The following KHDRBS2 variants were observed in gnomAD, a reference collection of about 807,000 sequenced individuals.
KHDRBS2 encodes KH RNA binding domain containing, signal transduction associated 2, also known as KH domain-containing, RNA-binding, signal transduction-associated protein 2.
In KHDRBS2, 26 loss-of-function variants were observed where a neutral mutation model predicts 44.3. That is an observed-to-expected ratio of 0.59 (90% CI 0.43 to 0.81). The LOEUF (loss-of-function observed/expected upper bound fraction) is 0.81, where lower values mean the gene tolerates loss of function less well. KHDRBS2 is among the 40% of genes least tolerant of loss of function. The pLI is 0.00. For missense variants in KHDRBS2, 476 were observed against 433.1 expected (o/e 1.10, Z -0.88); for synonymous variants, 194 against 151.1 (o/e 1.28, Z -2.08).
chr6:61,569,921 A>G, the KHDRBS2 span, among the ~76,000 whole-genome samples: 2 of 152,178 alleles, frequency 1.3e-5, no homozygotes, highest in Non-Finnish European at 2.9e-5. Flanking sequence ...AAAGAATATG[A>G]ACAGCAGGCC....
intron 1 of KHDRBS2, among the ~76,000 whole-genome samples, chr6:62,233,031 C>T (rs1833133001): frequency 6.6e-6 from 1 of 152,082 alleles, no homozygotes; most frequent in Non-Finnish European, 1.5e-5. Flanking sequence ...TTCATTTAGC[C>T]TCACTGGACG....
chr6:61,593,061 T>C, the KHDRBS2 span, among the ~76,000 whole-genome samples: 1 of 152,118 alleles, frequency 6.6e-6, no homozygotes, highest in Non-Finnish European at 1.5e-5. Flanking sequence ...GAGTAGTCTA[T>C]AAAGTAGTTT....
intron 1 of KHDRBS2, among the ~76,000 whole-genome samples, chr6:62,225,451 T>G (rs1207029953): frequency 1.3e-5 from 2 of 152,184 alleles, no homozygotes; most frequent in East Asian, 1.9e-4. Context: ...ATCTGACAAA[T>G]GGAAGAAACA....
chr6:61,922,012 C>A (rs745980690), intron 4 of KHDRBS2, among the ~76,000 whole-genome samples: 2 of 151,740 alleles, frequency 1.3e-5, no homozygotes, highest in African/African-American at 4.8e-5. Flanking sequence ...ACATCCATAT[C>A]GTTAAAAAAT....
chr6:62,224,791 G>A (rs573705744), intron 1 of KHDRBS2, among the ~76,000 whole-genome samples: 19 of 152,300 alleles, frequency 1.2e-4, no homozygotes, highest in Non-Finnish European at 2.6e-4. Flanking sequence ...CCTTTTATAT[G>A]CTACTTGGTG....
chr6:62,282,858 T>C (rs1412921840), intron 1 of KHDRBS2, among the ~76,000 whole-genome samples: 1 of 152,102 alleles, frequency 6.6e-6, no homozygotes, highest in East Asian at 1.9e-4. Flanking sequence ...CATCACTTAG[T>C]CCAACTCCTT....
At chr6:62,153,608 T>A (rs1276032710) in intron 2 of KHDRBS2, among the ~76,000 whole-genome samples, 1 of 152,162 alleles carries the variant, frequency 6.6e-6, no homozygotes, top group African/African-American at 2.4e-5. Flanking sequence ...TTGTTGATTT[T>A]AAAGCATGGG....
the KHDRBS2 span, among the ~76,000 whole-genome samples, chr6:61,626,530 T>G: frequency 6.6e-6 from 1 of 152,380 alleles, no homozygotes; most frequent in East Asian, 1.9e-4. Flanking sequence ...TTTAAGTCAC[T>G]GCTATGTTAA....
intron 6 of KHDRBS2, among the ~76,000 whole-genome samples, chr6:61,867,106 C>T (rs1360593993): frequency 6.6e-6 from 1 of 152,182 alleles, no homozygotes; most frequent in Non-Finnish European, 1.5e-5. Flanking sequence ...TACCAATTTA[C>T]TGTATTAGTC....
intron 6 of KHDRBS2, among the ~76,000 whole-genome samples, chr6:61,805,142 G>A (rs1223492591): frequency 6.6e-6 from 1 of 152,122 alleles, no homozygotes; most frequent in African/African-American, 2.4e-5. Flanking sequence ...GTCACATCCT[G>A]AATGCTTTGC....
intron 2 of KHDRBS2, among the ~76,000 whole-genome samples, chr6:62,066,179 T>C (rs1367055974): frequency 6.6e-6 from 1 of 151,746 alleles, no homozygotes; most frequent in Non-Finnish European, 1.5e-5. Context: ...GTCCTAATCT[T>C]AATTATAACT....
At chr6:61,878,685 T>C (rs1006432000) in intron 6 of KHDRBS2, among the ~76,000 whole-genome samples, 4 of 152,028 alleles carry the variant, frequency 2.6e-5, no homozygotes, top group Non-Finnish European at 4.4e-5. Flanking sequence ...TCTATATGTA[T>C]ACAGCACTTA....
chr6:62,031,508 A>T (rs1784336457), intron 3 of KHDRBS2, among the ~76,000 whole-genome samples: 1 of 152,050 alleles, frequency 6.6e-6, no homozygotes, highest in African/African-American at 2.4e-5. Flanking sequence ...TGGGCCAGAA[A>T]ACAAAGCCTA....
At chr6:61,616,016 C>A in the KHDRBS2 span, among the ~76,000 whole-genome samples, 1 of 152,024 alleles carries the variant, frequency 6.6e-6, no homozygotes, top group East Asian at 1.9e-4. Flanking sequence ...GTCATTTTTT[C>A]TTCAGAATGT....
At position 61,900,411 on chromosome 6, in the gene KHDRBS2, C is replaced by G. The variant is rs9453404; in HGVS notation, c.611+833G>C. Among the ~76,000 whole-genome samples, 820 of 151,892 alleles carry G rather than the reference C, an allele frequency of 5.4e-3. 3 individuals are homozygous for G. Among genetic ancestry groups the G allele is most frequent in the African/African-American group, 0.019 (799 of 41,426 alleles). On this transcript the variant is annotated intron_variant, in intron 5 of 8. Coordinates refer to ENST00000281156, the MANE Select transcript of KHDRBS2 (RefSeq NM_152688.4). The stretch of plus-strand genomic sequence containing the variant: ...TCTCTGTCCTTTAGAGATTTAAAAG[C>G]CAATTATAACAAGATGAAGAGAATG...
chr6:61,961,809 T>C (rs1431554208), intron 4 of KHDRBS2, among the ~76,000 whole-genome samples: 1 of 152,140 alleles, frequency 6.6e-6, no homozygotes, highest in East Asian at 1.9e-4. Flanking sequence ...AAGGCCATTA[T>C]AAATTCTATA....
chr6:62,253,013 G>T lies in KHDRBS2; in HGVS notation c.91+32845C>A, dbSNP rs138592665. Among the ~76,000 whole-genome samples, 385 of 152,150 alleles carry T rather than the reference G, an allele frequency of 2.5e-3. 3 individuals carry two copies. The highest frequency in any genetic ancestry group is 8.5e-3 in the African/African-American group (352 of 41,546). ...GAAGATATGATCAGTAATAGCCTCA[G>T]AGTGTAACACTGGGTGGCTTTTCTC... On this transcript the variant is annotated intron_variant, in intron 1 of 8. Coordinates refer to ENST00000281156, the MANE Select transcript of KHDRBS2 (RefSeq NM_152688.4).
intron 3 of KHDRBS2, among the ~76,000 whole-genome samples, chr6:62,028,480 G>T (rs1397229591): frequency 6.6e-6 from 1 of 151,582 alleles, no homozygotes. Flanking sequence ...CTGAAAATGA[G>T]CTACTTGTTT....
chr6:61,728,693 T>C (rs1353553300), intron 7 of KHDRBS2, among the ~76,000 whole-genome samples: 2 of 152,170 alleles, frequency 1.3e-5, no homozygotes, highest in Admixed American at 1.3e-4. Flanking sequence ...TTGCAGTATA[T>C]GATTTCAAAT....
Sources: gnomAD v4.1 joint callset for allele counts (sites outside exome capture counted in the v4.1 genomes callset) on GRCh38, gnomAD v4.1.1 for gene constraint, MANE v1.5 for transcripts, NCBI Gene and HGNC (gene_info 2026-07-23, HGNC 2026-07-21) for gene names.